GPCPD1: variants seen among roughly 807,000 people sequenced by gnomAD.
GPCPD1 encodes glycerophosphocholine phosphodiesterase 1, also known as glycerophosphocholine phosphodiesterase GPCPD1.
Under a neutral mutation model 89.2 loss-of-function variants are expected in GPCPD1, and 29 were observed. The ratio of observed to expected loss-of-function variants is 0.33; its 90% CI spans 0.24 to 0.44. The LOEUF (loss-of-function observed/expected upper bound fraction) is 0.44, where lower values mean the gene tolerates loss of function less well. Among genes scored for constraint, GPCPD1 ranks in the 20% least tolerant of loss-of-function variants. GPCPD1 has a pLI of 1.00. For synonymous variants in GPCPD1, 258 were observed against 266.3 expected, an observed-to-expected ratio of 0.97 and a Z score of 0.30; for missense variants, 594 against 808.9, an observed-to-expected ratio of 0.73 and a Z score of 3.22.
At chr20:5,596,539 A>G (rs753161985) in intron 3 of GPCPD1, among the ~76,000 whole-genome samples, 10 of 152,154 alleles carry the variant, frequency 6.6e-5, no homozygotes, top group Non-Finnish European at 1.2e-4. Context: ...TCCTTTCCCA[A>G]AATACCATAA....
chr20:5,607,801 G>A (rs1222015171), intron 1 of GPCPD1, among the ~76,000 whole-genome samples: 1 of 142,712 alleles, frequency 7.0e-6, no homozygotes, highest in African/African-American at 2.7e-5. Context: ...CTGTGTGACA[G>A]AATGAGACTC....
chr20:5,582,881 T>TC (rs1486226815), intron 6 of GPCPD1, among the ~76,000 whole-genome samples: 6 of 143,982 alleles, frequency 4.2e-5, no homozygotes, highest in African/African-American at 1.6e-4. Context: ...AGAGCAAGAC[T>TC]CCATCTCAAA....
intron 4 of GPCPD1, among the ~76,000 whole-genome samples, chr20:5,592,619 A>T (rs1343463268): frequency 6.6e-6 from 1 of 152,254 alleles, no homozygotes; most frequent in Non-Finnish European, 1.5e-5. Flanking sequence ...TTTGTATCCT[A>T]GACCCCTGCC....
chr20:5,593,238 T>C, intron 4 of GPCPD1, 89 bp downstream of exon 4: 2 of 709,168 alleles, frequency 2.8e-6, no homozygotes, highest in Non-Finnish European at 5.1e-6. Context: ...CCAAAGCAAA[T>C]GCATTTTACT....
chr20:5,566,789 C>T lies in GPCPD1; in HGVS notation c.1228-17G>A. On this transcript the variant is annotated splice_polypyrimidine_tract_variant and intron_variant, in intron 13 of 19. Transcript: ENST00000379019. ...ATGAGTGAGCTAGAAAGCACACAAA[C>T]AAAATGAAATCAGAAAGGAAGCCTT... The T allele has an allele frequency of 6.4e-7, 1 of 1,552,410 alleles. No individual in the cohort carries two copies. The highest frequency in any genetic ancestry group is 8.9e-7 in the Non-Finnish European group (1 of 1,124,610).
At chr20:5,594,351 G>A (rs1402857854) in intron 3 of GPCPD1, among the ~76,000 whole-genome samples, 4 of 151,462 alleles carry the variant, frequency 2.6e-5, no homozygotes, top group South Asian at 2.1e-4. Context: ...GTGCAGTGGC[G>A]CGATCTCAGC....
intron 2 of GPCPD1, among the ~76,000 whole-genome samples, chr20:5,602,361 A>G (rs1277487766): frequency 6.6e-6 from 1 of 152,216 alleles, no homozygotes; most frequent in Non-Finnish European, 1.5e-5. Context: ...CTCCCCAGAA[A>G]GAGAAAATTC....
At chr20:5,587,770 T>C (rs1290526710) in intron 4 of GPCPD1, among the ~76,000 whole-genome samples, 1 of 152,254 alleles carries the variant, frequency 6.6e-6, no homozygotes, top group Non-Finnish European at 1.5e-5. Context: ...AGGATTTTAA[T>C]ATTGATTAAA....
Position 5,558,775 on chromosome 20 carries a change from T to G in GPCPD1, c.1577A>C (p.Gln526Pro). 1 of 1,591,312 alleles carries G rather than the reference T, an allele frequency of 6.3e-7. No individual in the cohort carries two copies. The highest frequency in any genetic ancestry group is 8.6e-7 in the Non-Finnish European group (1 of 1,166,954). ...QNKYPILFLT[Q>P]GKSEIYPELM... ...TTCAGGATAAATCTCAGATTTTCCT[T>G]GAGTTAAAAATAGTATCGGATATTT... Residue 526 changes from glutamine (Q) to proline (P), a missense_variant, in exon 18 of 20, where the codon CAA (glutamine) becomes CCA (proline). Transcript: ENST00000379019.
chr20:5,547,793 G>A lies in GPCPD1; in HGVS notation c.1887C>T (p.Arg629=). The A allele has an allele frequency of 2.5e-6, 4 of 1,610,378 alleles. No individual in the cohort carries two copies. The highest frequency in any genetic ancestry group is 1.1e-5 in the South Asian group (1 of 90,852). Residue 629 remains arginine (R), a synonymous_variant, in exon 20 of 20, where the codon CGC becomes CGT. Coordinates refer to ENST00000379019, the MANE Select transcript of GPCPD1 (RefSeq NM_019593.5). ...TAAGCTCTGGCAATTCCTGCTTCAG[G>A]CGTTCCAATTGCTCCACTTGGAATA... ...PNIFQVEQLE[R]LKQELPELKS...
At chr20:5,548,357 A>G (rs1266171223) in intron 19 of GPCPD1, 1 of 152,472 alleles carries the variant, frequency 6.6e-6, no homozygotes, top group Non-Finnish European at 1.5e-5. Context: ...GGCACTACCC[A>G]TCAGCAGAGA....
chr20:5,579,813 A>G (rs1484448068), intron 7 of GPCPD1, among the ~76,000 whole-genome samples, 195 bp downstream of exon 7: 1 of 152,256 alleles, frequency 6.6e-6, no homozygotes, highest in Non-Finnish European at 1.5e-5. Context: ...CTGGTTCTAC[A>G]TGTAGAAATT....
Position 5,558,827 on chromosome 20 carries a change from G to T in GPCPD1, c.1533-8C>A, listed in dbSNP as rs759204295. 1 of 1,547,182 alleles carries T rather than the reference G, an allele frequency of 6.5e-7. No homozygotes were observed. ...TTCTGCTTTTGCCGAACCCTGAAAA[G>T]AAACAATTTTAAAAATACCTTTCAA... On this transcript the variant is annotated splice_region_variant and splice_polypyrimidine_tract_variant and intron_variant, in intron 17 of 19. Coordinates refer to ENST00000379019, the MANE Select transcript of GPCPD1 (RefSeq NM_019593.5).
rs11466989 is a variant in GPCPD1, at chr20:5,604,774, TACAC to T, written c.-28-338_-28-335del. Among the ~76,000 whole-genome samples, 476 of 139,166 alleles carry T rather than the reference TACAC, an allele frequency of 3.4e-3. 4 individuals carry two copies. Among genetic ancestry groups the T allele is most frequent in the African/African-American group, 0.012 (441 of 36,802 alleles). 91.3% of individuals were successfully genotyped at this position (139,166 alleles called of 152,430 possible). A position where few individuals can be genotyped will look rare whatever the true frequency, so the allele number is the denominator to read the frequency against. Reference sequence around the variant, plus strand: ...GGGCAATATAGTGAGGCCTCATGTCTACACACACACACACACACACACACACACA... The same window carrying T: ...GGGCAATATAGTGAGGCCTCATGTCTACACACACACACACACACACACACA... On this transcript the variant is annotated intron_variant, in intron 1 of 19. Coordinates refer to ENST00000379019, the MANE Select transcript of GPCPD1 (RefSeq NM_019593.5).
At chr20:5,596,921 C>G (rs915069462) in intron 3 of GPCPD1, among the ~76,000 whole-genome samples, 1 of 152,148 alleles carries the variant, frequency 6.6e-6, no homozygotes, top group Non-Finnish European at 1.5e-5. Context: ...AACAACTGGT[C>G]CTCTTAAAAT....
intron 5 of GPCPD1, 180 bp downstream of exon 5, chr20:5,586,014 A>C: frequency 2.3e-6 from 1 of 437,524 alleles, no homozygotes; most frequent in East Asian, 3.4e-5. Flanking sequence ...AGTTTATTTT[A>C]AGAGGCAATT....
intron 4 of GPCPD1, among the ~76,000 whole-genome samples, chr20:5,587,611 C>T (rs113457578): frequency 8.7e-4 from 133 of 152,284 alleles, no homozygotes; most frequent in African/African-American, 2.3e-3. Flanking sequence ...CGTGATCCAC[C>T]CACCTCAGCC....
intron 3 of GPCPD1, among the ~76,000 whole-genome samples, chr20:5,593,659 G>T (rs957968014): frequency 6.6e-6 from 1 of 152,188 alleles, no homozygotes; most frequent in South Asian, 2.1e-4. Context: ...AAAGAAGATA[G>T]ACAGAACGAA....
At chr20:5,575,154 C>G (rs6085213) in intron 10 of GPCPD1, among the ~76,000 whole-genome samples, 2 of 152,208 alleles carry the variant, frequency 1.3e-5, no homozygotes, top group Non-Finnish European at 2.9e-5. Context: ...GACACACACA[C>G]TGATGCTCCC....
Sources: gnomAD v4.1 joint callset for allele counts (sites outside exome capture counted in the v4.1 genomes callset) on GRCh38, gnomAD v4.1.1 for gene constraint, MANE v1.5 for transcripts, NCBI Gene and HGNC (gene_info 2026-07-23, HGNC 2026-07-21) for gene names.